The following NTM variants were observed in gnomAD, a reference collection of about 807,000 sequenced individuals.
NTM encodes the protein neurotrimin.
In NTM, 13 loss-of-function variants were observed where a neutral mutation model predicts 42.1. The ratio of observed to expected loss-of-function variants is 0.31; its 90% CI spans 0.20 to 0.49. The LOEUF (loss-of-function observed/expected upper bound fraction) is 0.49, where lower values mean the gene tolerates loss of function less well. Among genes scored for constraint, NTM ranks in the 20% least tolerant of loss-of-function variants. The pLI, the probability that NTM is intolerant of heterozygous loss-of-function variation, is 0.99. For synonymous variants in NTM, 187 were observed against 179.2 expected, an observed-to-expected ratio of 1.04 and a Z score of -0.35; for missense variants, 373 against 452.8, an observed-to-expected ratio of 0.82 and a Z score of 1.60.
chr11:131,921,803 C>T (rs893220780), intron 2 of NTM, among the ~76,000 whole-genome samples: 2 of 152,024 alleles, frequency 1.3e-5, no homozygotes, highest in Non-Finnish European at 2.9e-5. Flanking sequence ...AAATGCTTGC[C>T]CTTTTATTCC....
At chr11:131,794,478 G>C (rs572919012) in intron 1 of NTM, 1 of 985,098 alleles carries the variant, frequency 1.0e-6, no homozygotes, top group Non-Finnish European at 1.2e-6. Context: ...CCCACCCGCC[G>C]TTTACTACTT....
At chr11:132,182,526 G>A (rs2077725178) in intron 3 of NTM, among the ~76,000 whole-genome samples, 1 of 152,344 alleles carries the variant, frequency 6.6e-6, no homozygotes, top group East Asian at 1.9e-4. Context: ...TAGGTGTAAA[G>A]CATTGTGTAT....
chr11:131,903,472 T>C (rs554176619), intron 1 of NTM, among the ~76,000 whole-genome samples: 181 of 152,366 alleles, frequency 1.2e-3, no homozygotes, highest in Admixed American at 1.6e-3. Flanking sequence ...AAGAAACCCT[T>C]TATCAGAAGA....
At chr11:131,765,140 A>G (rs571223057) in intron 1 of NTM, among the ~76,000 whole-genome samples, 31 of 152,122 alleles carry the variant, frequency 2.0e-4, no homozygotes, top group Non-Finnish European at 2.6e-4. Context: ...TCCTGGGACA[A>G]ATCCACTCCC....
At chr11:131,541,792 A>G (rs1398665457) in intron 1 of NTM, among the ~76,000 whole-genome samples, 2 of 152,210 alleles carry the variant, frequency 1.3e-5, no homozygotes, top group Non-Finnish European at 2.9e-5. Context: ...ATTAGATAAC[A>G]TATTTAAGAC....
At chr11:131,972,387 C>T (rs2063686958) in intron 2 of NTM, among the ~76,000 whole-genome samples, 1 of 151,902 alleles carries the variant, frequency 6.6e-6, no homozygotes, top group Admixed American at 6.6e-5. Flanking sequence ...TCAAAGAAAA[C>T]AAATAATAAT....
chr11:132,235,521 A>G (rs1023099125), intron 4 of NTM, among the ~76,000 whole-genome samples: 2 of 152,152 alleles, frequency 1.3e-5, no homozygotes, highest in Admixed American at 6.5e-5. Flanking sequence ...CAAAACTATA[A>G]AAAGGAAGTT....
intron 2 of NTM, among the ~76,000 whole-genome samples, chr11:132,051,472 A>G (rs948243786): frequency 1.3e-5 from 2 of 152,214 alleles, no homozygotes; most frequent in Non-Finnish European, 2.9e-5. Context: ...TTGCTGGGAT[A>G]CCAAGTGTCT....
At chr11:132,267,129 C>T (rs1440781610) in intron 4 of NTM, among the ~76,000 whole-genome samples, 1 of 152,132 alleles carries the variant, frequency 6.6e-6, no homozygotes, top group Non-Finnish European at 1.5e-5. Context: ...ACTCCCTTTC[C>T]CTGGAGTAGC....
chr11:131,554,546 A>C (rs75370729), intron 1 of NTM, among the ~76,000 whole-genome samples: 15,014 of 106,382 alleles, frequency 0.14, 929 homozygotes, highest in Middle Eastern at 0.28. Context: ...ACACATCTAC[A>C]AAAAAAAAAA....
At chr11:131,429,153 C>T (rs559260807) in intron 1 of NTM, among the ~76,000 whole-genome samples, 2 of 152,216 alleles carry the variant, frequency 1.3e-5, no homozygotes, top group Admixed American at 6.5e-5. Flanking sequence ...GGTGGTGATG[C>T]TTTGCGTCTG....
chr11:131,866,289 A>G (rs910886702), intron 1 of NTM, among the ~76,000 whole-genome samples: 5 of 71,760 alleles, frequency 7.0e-5, no homozygotes, highest in Admixed American at 2.5e-4. Context: ...ATGGGAATAA[A>G]TAAAAAACAA....
At chr11:131,717,271 A>T (rs925793562) in intron 1 of NTM, among the ~76,000 whole-genome samples, 9 of 152,192 alleles carry the variant, frequency 5.9e-5, no homozygotes, top group Admixed American at 6.5e-5. Context: ...TCTACTAAAA[A>T]ATTTCCTGGT....
At chr11:132,200,421 C>G (rs1371784670) in intron 3 of NTM, among the ~76,000 whole-genome samples, 2 of 152,168 alleles carry the variant, frequency 1.3e-5, no homozygotes, top group South Asian at 2.1e-4. Flanking sequence ...CTGAACTCAA[C>G]TGTGCAGTTA....
chr11:131,732,091 C>T (rs1035751531), intron 1 of NTM, among the ~76,000 whole-genome samples: 1 of 152,154 alleles, frequency 6.6e-6, no homozygotes, highest in Admixed American at 6.6e-5. Flanking sequence ...CATCTATAAA[C>T]TGAAGATAAT....
intron 1 of NTM, among the ~76,000 whole-genome samples, chr11:131,828,356 A>G (rs1240156646): frequency 6.6e-6 from 1 of 151,998 alleles, no homozygotes; most frequent in African/African-American, 2.4e-5. Flanking sequence ...CACAATCATC[A>G]CCATCTTTGC....
At chr11:132,298,847 T>TA (rs1239505617) in intron 4 of NTM, among the ~76,000 whole-genome samples, 1 of 152,210 alleles carries the variant, frequency 6.6e-6, no homozygotes, top group Middle Eastern at 3.2e-3. Context: ...TGTCAGGATC[T>TA]ATGATAAATG....
chr11:131,741,104 G>A (rs2135577148), intron 1 of NTM, among the ~76,000 whole-genome samples: 2 of 152,002 alleles, frequency 1.3e-5, no homozygotes, highest in Middle Eastern at 6.8e-3. Flanking sequence ...GGCGGAGGCT[G>A]CAGTGAGAAG....
At chr11:131,652,112 A>G (rs1428547579) in intron 1 of NTM, among the ~76,000 whole-genome samples, 2 of 152,084 alleles carry the variant, frequency 1.3e-5, no homozygotes, top group Non-Finnish European at 2.9e-5. Context: ...TGTGACCTTA[A>G]GAAAATGACA....
Sources: allele counts gnomAD v4.1 joint callset (sites outside exome capture counted in the v4.1 genomes callset), GRCh38; gene constraint gnomAD v4.1.1; transcripts MANE v1.5; gene names NCBI Gene and HGNC (gene_info 2026-07-23, HGNC 2026-07-21).